The following PSMA1 variants were observed in gnomAD, a reference collection of about 807,000 sequenced individuals.
The protein encoded by PSMA1 is proteasome 20S subunit alpha 1.
PSMA1 carries 3 observed loss-of-function variants against 38.4 expected under a neutral mutation model. The observed-to-expected ratio is 0.08, with a 90% CI of 0.04 to 0.20. PSMA1 has a LOEUF of 0.20. Ranked by LOEUF, PSMA1 falls within the 10% of genes least tolerant of loss-of-function variation. The pLI is 1.00. For missense variants in PSMA1, 227 were observed against 325.3 expected (o/e 0.70, Z 2.32); for synonymous variants, 101 against 107.1 (o/e 0.94, Z 0.35).
chr11:14,591,307 G>A (rs1852411837), intron 2 of PSMA1, among the ~76,000 whole-genome samples: 1 of 152,218 alleles, frequency 6.6e-6, no homozygotes, highest in Non-Finnish European at 1.5e-5. Flanking sequence ...CCGAGGGGCA[G>A]GGCTCAGGAC....
chr11:14,513,492 T>C, intron 7 of PSMA1, 78 bp downstream of exon 7: 1 of 1,266,886 alleles, frequency 7.9e-7, no homozygotes, highest in Non-Finnish European at 1.0e-6. Context: ...TTTTATGCAT[T>C]TAGGATACTA....
intron 1 of PSMA1, among the ~76,000 whole-genome samples, chr11:14,622,815 TGTAG>T: frequency 6.6e-6 from 1 of 152,294 alleles, no homozygotes; most frequent in Non-Finnish European, 1.5e-5. Context: ...CATCTCATGG[TGTAG>T]GTGACAGTGG....
At chr11:14,519,983 C>CT (rs1313243403) in intron 1 of PSMA1, 2 of 468,488 alleles carry the variant, frequency 4.3e-6, no homozygotes, top group African/African-American at 3.9e-5. Context: ...ATACACAGCA[C>CT]TAGGAGCTAT....
chr11:14,616,571 G>A (rs1852776755), intron 1 of PSMA1, among the ~76,000 whole-genome samples: 1 of 151,954 alleles, frequency 6.6e-6, no homozygotes. Flanking sequence ...TCCTGCTTGA[G>A]TTTTCAACAA....
intron 8 of PSMA1, among the ~76,000 whole-genome samples, chr11:14,508,335 C>T (rs1410085190): frequency 6.6e-6 from 1 of 151,980 alleles, no homozygotes; most frequent in East Asian, 1.9e-4. Context: ...GTACCTATGT[C>T]CCTAGATTCT....
chr11:14,546,041 A>G (rs188130774), intron 2 of PSMA1, among the ~76,000 whole-genome samples: 13 of 152,280 alleles, frequency 8.5e-5, no homozygotes, highest in African/African-American at 3.1e-4. Context: ...ATCAAGCTCA[A>G]GTTAAAAACC....
At chr11:14,598,265 C>T (rs953248890) in intron 2 of PSMA1, among the ~76,000 whole-genome samples, 6 of 152,012 alleles carry the variant, frequency 3.9e-5, no homozygotes, top group African/African-American at 4.8e-5. Flanking sequence ...CTATAAGGTC[C>T]GCTTGGTGCA....
chr11:14,522,878 C>T (rs1851544402), upstream of PSMA1, among the ~76,000 whole-genome samples: 2 of 152,188 alleles, frequency 1.3e-5, no homozygotes, highest in South Asian at 2.1e-4. Context: ...CAGGGAATCA[C>T]ATAAATATCC....
chr11:14,594,760 GTTTCT>G (rs1565053528), intron 2 of PSMA1, among the ~76,000 whole-genome samples: 1 of 151,728 alleles, frequency 6.6e-6, no homozygotes, highest in Admixed American at 6.6e-5. Flanking sequence ...AATGCATAAC[GTTTCT>G]TTTTTTTATT....
chr11:14,507,601 G>A (rs1412455461), intron 9 of PSMA1, 55 bp downstream of exon 9: 1 of 1,200,584 alleles, frequency 8.3e-7, no homozygotes, highest in East Asian at 2.4e-5. Flanking sequence ...ACACAGTTGT[G>A]GTAAGAACAG....
At chr11:14,634,015 C>T (rs1307662110) in intron 1 of PSMA1, among the ~76,000 whole-genome samples, 1 of 152,166 alleles carries the variant, frequency 6.6e-6, no homozygotes. Context: ...GGTGTGCACA[C>T]CCACTGACCT....
At chr11:14,637,032 T>A (rs542614038) in intron 1 of PSMA1, among the ~76,000 whole-genome samples, 3 of 152,232 alleles carry the variant, frequency 2.0e-5, no homozygotes, top group South Asian at 2.1e-4. Flanking sequence ...TAAAAATTGA[T>A]CATGGCTTCT....
chr11:14,552,473 A>G lies in PSMA1; in HGVS notation c.22-33432T>C, dbSNP rs555759947. Reference sequence around the variant, plus strand: ...AATTGCGGCTGAGATTGTCACACATAGTACATCAGTCCTGTGAGCTCAGTT... The same window carrying G: ...AATTGCGGCTGAGATTGTCACACATGGTACATCAGTCCTGTGAGCTCAGTT... On this transcript the variant is annotated intron_variant, in intron 2 of 10. Transcript: ENST00000418988. Among the ~76,000 whole-genome samples, 35 of 152,330 alleles carry G rather than the reference A, an allele frequency of 2.3e-4. 1 individual carries two copies. The highest frequency in any genetic ancestry group is 8.8e-5 in the Non-Finnish European group (6 of 68,026).
intron 2 of PSMA1, among the ~76,000 whole-genome samples, chr11:14,553,897 A>G (rs1335422498): frequency 6.6e-6 from 1 of 152,150 alleles, no homozygotes; most frequent in Admixed American, 6.5e-5. Context: ...AAATTGCCAA[A>G]CTATTTTGCA....
chr11:14,519,928 G>C (rs903893773), intron 1 of PSMA1: 14 of 255,034 alleles, frequency 5.5e-5, no homozygotes, highest in Non-Finnish European at 9.8e-5. Context: ...CCGCACTGGT[G>C]GTACAGGTAG....
chr11:14,614,441 A>G (rs116844295), intron 1 of PSMA1, among the ~76,000 whole-genome samples: 1,763 of 152,118 alleles, frequency 0.012, 19 homozygotes, highest in Non-Finnish European at 0.02. Context: ...TTCAGACTGT[A>G]TATCTGGCTC....
chr11:14,592,432 CT>C (rs1852434736), intron 2 of PSMA1, among the ~76,000 whole-genome samples: 1 of 151,396 alleles, frequency 6.6e-6, no homozygotes, highest in Admixed American at 6.6e-5. Flanking sequence ...GCTCCCCAGG[CT>C]GGAGTGCAGT....
intron 9 of PSMA1, among the ~76,000 whole-genome samples, chr11:14,507,161 C>T (rs1370416220): frequency 6.6e-6 from 1 of 151,834 alleles, no homozygotes; most frequent in Non-Finnish European, 1.5e-5. Context: ...AACACTTCTC[C>T]CTTTTTGTGT....
At chr11:14,531,129 C>G (rs972180399) in intron 2 of PSMA1, among the ~76,000 whole-genome samples, 13 of 152,034 alleles carry the variant, frequency 8.6e-5, no homozygotes, top group Admixed American at 2.6e-4. Flanking sequence ...TATACTTCAC[C>G]CTTTTTTTTC....
Sources: allele counts gnomAD v4.1 joint callset (sites outside exome capture counted in the v4.1 genomes callset), GRCh38; gene constraint gnomAD v4.1.1; transcripts MANE v1.5; gene names NCBI Gene and HGNC (gene_info 2026-07-23, HGNC 2026-07-21).